The following RBMS1 variants were observed in gnomAD, a reference collection of about 807,000 sequenced individuals.
RBMS1 encodes RNA-binding motif, single-stranded-interacting protein 1.
Under a neutral mutation model 62.3 loss-of-function variants are expected in RBMS1, and 17 were observed. The observed-to-expected ratio is 0.27, with a 90% CI of 0.19 to 0.41. The LOEUF is 0.41. RBMS1 is among the 10% of genes least tolerant of loss of function. The pLI is 1.00. For missense variants in RBMS1, 334 were observed against 504.5 expected, an observed-to-expected ratio of 0.66 and a Z score of 3.24; for synonymous variants, 172 against 170.0, an observed-to-expected ratio of 1.01 and a Z score of -0.09.
intron 1 of RBMS1, among the ~76,000 whole-genome samples, chr2:160,381,209 A>G (rs1040881696): frequency 6.6e-5 from 10 of 152,220 alleles, no homozygotes; most frequent in Non-Finnish European, 1.2e-4. Flanking sequence ...CTAGAAATAG[A>G]TAAAACACTG....
At chr2:160,365,967 G>A (rs925088714) in intron 2 of RBMS1, among the ~76,000 whole-genome samples, 2 of 152,142 alleles carry the variant, frequency 1.3e-5, no homozygotes, top group African/African-American at 4.8e-5. Context: ...CACAGCAGTC[G>A]CTAGTGCAGG....
chr2:160,414,490 C>A (rs1034100240), intron 1 of RBMS1, among the ~76,000 whole-genome samples: 4 of 152,024 alleles, frequency 2.6e-5, no homozygotes, highest in African/African-American at 7.3e-5. Context: ...TAGATATTAG[C>A]TAAGTTATGA....
chr2:160,443,009 T>C (rs1434301492), intron 1 of RBMS1, among the ~76,000 whole-genome samples: 2 of 152,020 alleles, frequency 1.3e-5, no homozygotes, highest in Non-Finnish European at 2.9e-5. Context: ...AGTTCGAGAC[T>C]AGCCTGGCCA....
At chr2:160,342,681 C>T (rs978577446) in intron 2 of RBMS1, among the ~76,000 whole-genome samples, 1 of 150,598 alleles carries the variant, frequency 6.6e-6, no homozygotes, top group African/African-American at 2.4e-5. Context: ...TTAGGGAGGC[C>T]GAGGTGGGCG....
intron 1 of RBMS1, among the ~76,000 whole-genome samples, chr2:160,423,663 T>C (rs1038335607): frequency 2.0e-5 from 3 of 152,314 alleles, no homozygotes; most frequent in Admixed American, 6.5e-5. Flanking sequence ...TTTCCACGTA[T>C]GATCTCACCC....
At chr2:160,418,229 CA>C (rs1284181367) in intron 1 of RBMS1, among the ~76,000 whole-genome samples, 1 of 152,140 alleles carries the variant, frequency 6.6e-6, no homozygotes, top group African/African-American at 2.4e-5. Flanking sequence ...AAGTTTTAGT[CA>C]AATGCATGCA....
intron 1 of RBMS1, among the ~76,000 whole-genome samples, chr2:160,412,067 T>G (rs1046315306): frequency 4.6e-5 from 7 of 152,240 alleles, no homozygotes; most frequent in African/African-American, 1.4e-4. Context: ...AGAGCCATTT[T>G]TGAATGAATT....
intron 3 of RBMS1, among the ~76,000 whole-genome samples, chr2:160,314,058 T>G (rs932918806): frequency 1.3e-5 from 2 of 152,100 alleles, no homozygotes; most frequent in Admixed American, 1.3e-4. Context: ...AAAGGGGGGC[T>G]GGGGTGATGG....
chr2:160,386,624 T>C (rs1694593353), intron 1 of RBMS1, among the ~76,000 whole-genome samples: 2 of 151,508 alleles, frequency 1.3e-5, no homozygotes, highest in Admixed American at 1.3e-4. Context: ...ACTGCCCTTA[T>C]AAAAACATAC....
intron 1 of RBMS1, among the ~76,000 whole-genome samples, chr2:160,397,085 G>A (rs1379812028): frequency 6.6e-6 from 1 of 151,994 alleles, no homozygotes; most frequent in Non-Finnish European, 1.5e-5. Context: ...CCATTATCCA[G>A]ATGCTTTCCC....
chr2:160,488,405 G>A (rs1313623972), intron 1 of RBMS1, among the ~76,000 whole-genome samples: 5 of 152,070 alleles, frequency 3.3e-5, no homozygotes, highest in African/African-American at 7.2e-5. Flanking sequence ...GTGAAACCCC[G>A]TCTCTACTGA....
chr2:160,382,006 C>G (rs1694306955), intron 1 of RBMS1, among the ~76,000 whole-genome samples: 1 of 152,154 alleles, frequency 6.6e-6, no homozygotes, highest in African/African-American at 2.4e-5. Context: ...ACAAATCTCC[C>G]CTACCAGCCT....
intron 2 of RBMS1, among the ~76,000 whole-genome samples, chr2:160,365,944 C>G (rs1693371931): frequency 6.6e-6 from 1 of 152,212 alleles, no homozygotes; most frequent in African/African-American, 2.4e-5. Flanking sequence ...ACCCCAAGAG[C>G]TGGGCTTGCT....
intron 6 of RBMS1, among the ~76,000 whole-genome samples, chr2:160,298,400 G>A (rs539240214): frequency 3.9e-5 from 6 of 152,286 alleles, no homozygotes; most frequent in Admixed American, 3.9e-4. Flanking sequence ...CAGGATGAGA[G>A]ATGAATGAGA....
intron 1 of RBMS1, among the ~76,000 whole-genome samples, chr2:160,448,874 G>A (rs1460533504): frequency 2.0e-5 from 3 of 149,444 alleles, no homozygotes; most frequent in East Asian, 4.0e-4. Context: ...GCCGCCCATC[G>A]TCTGAGATGT....
At chr2:160,281,292 G>C (rs746084511) in intron 10 of RBMS1, 22 bp downstream of exon 10, 4 of 1,579,234 alleles carry the variant, frequency 2.5e-6, no homozygotes, top group Non-Finnish European at 3.5e-6. Context: ...AAAACACAAA[G>C]TCATTAAGAT....
intron 2 of RBMS1, among the ~76,000 whole-genome samples, chr2:160,357,229 T>C (rs538168847): frequency 2.0e-5 from 3 of 152,214 alleles, no homozygotes; most frequent in East Asian, 1.9e-4. Context: ...TTAAAAAAAT[T>C]CTTATGGTTA....
At chr2:160,283,365 A>G (rs1209144804) in intron 9 of RBMS1, 1 of 152,214 alleles carries the variant, frequency 6.6e-6, no homozygotes, top group Non-Finnish European at 1.5e-5. Context: ...TTATACAGTC[A>G]AAGAAAGGAT....
At chr2:160,327,193 A>C (rs1312468898) in intron 2 of RBMS1, among the ~76,000 whole-genome samples, 1 of 152,062 alleles carries the variant, frequency 6.6e-6, no homozygotes. Flanking sequence ...TTTTCAGATC[A>C]ACACATCCTT....
Sources: gnomAD v4.1 joint callset for allele counts (sites outside exome capture counted in the v4.1 genomes callset) on GRCh38, gnomAD v4.1.1 for gene constraint, MANE v1.5 for transcripts, NCBI Gene and HGNC (gene_info 2026-07-23, HGNC 2026-07-21) for gene names.